Variants in RPGRIP1 observed in about 807,000 individuals in gnomAD.
RPGRIP1 encodes X-linked retinitis pigmentosa GTPase regulator-interacting protein 1.
In RPGRIP1, 128 loss-of-function variants were observed where a neutral mutation model predicts 157.9. That is an observed-to-expected ratio of 0.81 (90% confidence interval 0.70 to 0.94). The LOEUF (loss-of-function observed/expected upper bound fraction) is 0.94. Among genes scored for constraint, RPGRIP1 ranks in the 40% least tolerant of loss-of-function variants. RPGRIP1 has a pLI of 0.00. For synonymous variants in RPGRIP1, 554 were observed against 571.6 expected, an observed-to-expected ratio of 0.97 and a Z score of 0.44; for missense variants, 1,486 against 1,545.8, an observed-to-expected ratio of 0.96 and a Z score of 0.65.
chr14:21,298,320 T>C (rs190007331), intron 3 of RPGRIP1, among the ~76,000 whole-genome samples: 586 of 151,996 alleles, frequency 3.9e-3, no homozygotes, highest in African/African-American at 0.013. Context: ...GCCAACGTGG[T>C]GAAACCCCGT....
At chr14:21,293,858 G>A (rs1335967746) in intron 2 of RPGRIP1, among the ~76,000 whole-genome samples, 4 of 151,636 alleles carry the variant, frequency 2.6e-5, no homozygotes, top group Admixed American at 6.6e-5. Context: ...CAGCCTGGGC[G>A]AGAGTGCGAG....
intron 24 of RPGRIP1, among the ~76,000 whole-genome samples, chr14:21,349,373 TTAAATA>T (rs1331124338): frequency 2.0e-5 from 3 of 147,554 alleles, no homozygotes; most frequent in East Asian, 4.0e-4. Context: ...CCCGGCCTCC[TTAAATA>T]TAATTACTAT....
At chr14:21,345,001 A>G in intron 22 of RPGRIP1, 112 bp from the exon 23 acceptor site, 1 of 716,088 alleles carries the variant, frequency 1.4e-6, no homozygotes, top group African/African-American at 1.8e-5. Context: ...AGATCCAGGC[A>G]AGGAGTCTAA....
At chr14:21,331,209 T>A (rs1883749289) in intron 20 of RPGRIP1, among the ~76,000 whole-genome samples, 1 of 150,718 alleles carries the variant, frequency 6.6e-6, no homozygotes, top group South Asian at 2.2e-4. Flanking sequence ...GCACCCGACC[T>A]AGTTTTGATT....
intron 2 of RPGRIP1, 34 bp downstream of exon 2, chr14:21,288,095 G>T: frequency 7.5e-7 from 1 of 1,332,174 alleles, no homozygotes; most frequent in Non-Finnish European, 1.1e-6. Context: ...ACACCTTTTA[G>T]AATTAAAAGA....
At chr14:21,315,806 A>G (rs8019240) in intron 10 of RPGRIP1, among the ~76,000 whole-genome samples, 2 of 144,600 alleles carry the variant, frequency 1.4e-5, no homozygotes, top group Admixed American at 1.4e-4. Context: ...TATTATTATT[A>G]TTTTTTTTTT....
In RPGRIP1 at chr14:21,317,741, C is replaced by T. The variant is rs372186092; in HGVS notation, c.1197C>T (p.Asn399=). 587 of 1,591,356 alleles carry T rather than the reference C, an allele frequency of 3.7e-4. 6 individuals carry two copies. The South Asian group carries it at 5.7e-3, about 15-fold the overall frequency. Residue 399 remains asparagine, a synonymous_variant, in exon 11 of 25, where the codon AAC becomes AAT. Coordinates refer to ENST00000400017, the MANE Select transcript of RPGRIP1 (RefSeq NM_020366.4). ...GCTCCAGTCAGCCCCACTGGAGCAA[C>T]GAGCTCATAGCGGAACAGCTACAGC... The part of the protein sequence containing the change: ...SDSSSQPHWS[N]ELIAEQLQQQ...
intron 21 of RPGRIP1, among the ~76,000 whole-genome samples, chr14:21,340,654 C>CTAAA (rs1306838147): frequency 1.3e-5 from 2 of 152,126 alleles, no homozygotes; most frequent in African/African-American, 2.4e-5. Flanking sequence ...GACTCCATCT[C>CTAAA]TAAATAAATA....
At chr14:21,285,545 C>A (rs1194365372) in intron 1 of RPGRIP1, among the ~76,000 whole-genome samples, 1 of 149,678 alleles carries the variant, frequency 6.7e-6, no homozygotes, top group Non-Finnish European at 1.5e-5. Context: ...GTGGAGGTTA[C>A]AGTGAGCTGA....
rs1886259080 is a variant in RPGRIP1, at chr14:21,351,257, C to CT, written c.*41_*42insT. ...TCCAATCTAAAAGTCTCTGAGGGAA[C>CT]CATAGTAAAAAGTCTCTTATAAAGT... On this transcript the variant is annotated 3_prime_UTR_variant, in exon 25 of 25. Transcript: ENST00000400017. The CT allele has an allele frequency of 1.6e-6, 2 of 1,280,798 alleles. No homozygotes were observed. Among genetic ancestry groups the CT allele is most frequent in the Admixed American group, 3.9e-5 (2 of 51,178 alleles). 79.3% of individuals were successfully genotyped at this position (1,280,798 alleles called of 1,614,324 possible). A position where few individuals can be genotyped will look rare whatever the true frequency, so the allele number is the denominator to read the frequency against.
intron 21 of RPGRIP1, among the ~76,000 whole-genome samples, chr14:21,339,410 C>T (rs1407708987): frequency 6.6e-6 from 1 of 152,098 alleles, no homozygotes; most frequent in African/African-American, 2.4e-5. Context: ...GGTTCCCCTG[C>T]ACTCCAGCCT....
intron 23 of RPGRIP1, among the ~76,000 whole-genome samples, chr14:21,345,428 G>T (rs1402911027): frequency 2.0e-5 from 3 of 148,582 alleles, no homozygotes; most frequent in Non-Finnish European, 4.5e-5. Context: ...TCGAGACAGG[G>T]TCTCACTCTG....
chr14:21,308,457 AAGG>A (rs1881408661), intron 7 of RPGRIP1, among the ~76,000 whole-genome samples: 1 of 152,178 alleles, frequency 6.6e-6, no homozygotes. Flanking sequence ...AACTGCCTTC[AAGG>A]AGTTTATAGG....
chr14:21,326,633 G>A (rs1883143936), intron 17 of RPGRIP1, among the ~76,000 whole-genome samples: 1 of 152,010 alleles, frequency 6.6e-6, no homozygotes, highest in African/African-American at 2.4e-5. Context: ...GCCTCCCAAA[G>A]TGCTGGGATT....
intron 1 of RPGRIP1, among the ~76,000 whole-genome samples, chr14:21,281,159 A>G (rs1880110911): frequency 6.6e-6 from 1 of 151,870 alleles, no homozygotes; most frequent in South Asian, 2.1e-4. Flanking sequence ...CTGGGACTAC[A>G]GGTGCGCACC....
chr14:21,298,328 C>T (rs1005062061), intron 3 of RPGRIP1, among the ~76,000 whole-genome samples: 20 of 151,910 alleles, frequency 1.3e-4, no homozygotes, highest in Non-Finnish European at 2.1e-4. Context: ...GGTGAAACCC[C>T]GTCTCTTCTA....
chr14:21,302,395 A>C (rs536370550), intron 4 of RPGRIP1, 93 bp from the exon 5 acceptor site: 39 of 600,772 alleles, frequency 6.5e-5, no homozygotes, highest in Non-Finnish European at 8.8e-5. Flanking sequence ...AGGTCTCAAG[A>C]CTCTATGCCC....
rs1219466588 is a variant in RPGRIP1 at position 21,303,495 on chromosome 14, T to G, written c.752T>G (p.Phe251Cys). Reference sequence around the variant, plus strand: ...AAAATGTGGCCTAAAGATGAAAATTTTGAACAGAGAAGCTCATTGGAGTGT... The same window carrying G: ...AAAATGTGGCCTAAAGATGAAAATTGTGAACAGAGAAGCTCATTGGAGTGT... ...PEKMWPKDEN[F>C]EQRSSLECAQ... The change falls in exon 6 of 25, where the codon TTT (phenylalanine) becomes TGT (cysteine). Residue 251 changes from phenylalanine (F) to cysteine (C), a missense_variant. Phe to Cys is a radical substitution (Grantham distance 205). Transcript: ENST00000400017. 4 of 1,613,814 alleles carry G rather than the reference T, an allele frequency of 2.5e-6. No individual in the cohort carries two copies. Among genetic ancestry groups the G allele is most frequent in the African/African-American group, 1.3e-5 (1 of 74,926 alleles).
chr14:21,331,965 G>GTC (rs1594235077), intron 20 of RPGRIP1, among the ~76,000 whole-genome samples: 1 of 127,244 alleles, frequency 7.9e-6, no homozygotes, highest in East Asian at 2.3e-4. Flanking sequence ...TTGAGATGAA[G>GTC]TCTCTCTCTG....
Sources: allele counts gnomAD v4.1 joint callset (sites outside exome capture counted in the v4.1 genomes callset), GRCh38; gene constraint gnomAD v4.1.1; transcripts MANE v1.5; gene names NCBI Gene and HGNC (gene_info 2026-07-23, HGNC 2026-07-21).